ATXN2: variants seen among roughly 807,000 people sequenced by gnomAD.
ATXN2 encodes ataxin 2.
In ATXN2, 37 loss-of-function variants were observed where a neutral mutation model predicts 138.6. The ratio of observed to expected loss-of-function variants is 0.27; its 90% CI spans 0.21 to 0.35. ATXN2 has a LOEUF of 0.35. Ranked by LOEUF, ATXN2 falls within the 10% of genes least tolerant of loss-of-function variation. The pLI is 1.00. For synonymous variants in ATXN2, 549 were observed against 543.7 expected (o/e 1.01, Z -0.13); for missense variants, 1,216 against 1,480.3 (o/e 0.82, Z 2.93).
intron 9 of ATXN2, among the ~76,000 whole-genome samples, chr12:111,517,867 A>T (rs1309173487): frequency 1.3e-5 from 2 of 152,164 alleles, no homozygotes; most frequent in Non-Finnish European, 2.9e-5. Context: ...TGTTGCACAT[A>T]GGTTAGAATT....
chr12:111,460,364 G>A (rs895719588), intron 21 of ATXN2, among the ~76,000 whole-genome samples: 2 of 152,184 alleles, frequency 1.3e-5, no homozygotes, highest in Non-Finnish European at 2.9e-5. Context: ...GTGAGCCACC[G>A]CGCCCAGCCA....
At chr12:111,497,291 T>C (rs775531312) in intron 14 of ATXN2, among the ~76,000 whole-genome samples, 1 of 152,138 alleles carries the variant, frequency 6.6e-6, no homozygotes, top group East Asian at 1.9e-4. Context: ...TGAATTCTAC[T>C]AAACCTTTAA....
At chr12:111,536,158 T>C (rs1165642387) in intron 5 of ATXN2, among the ~76,000 whole-genome samples, 1 of 152,174 alleles carries the variant, frequency 6.6e-6, no homozygotes, top group Non-Finnish European at 1.5e-5. Flanking sequence ...ATAAAAGCAA[T>C]GTCTAAGAAT....
Position 111,470,566 on chromosome 12 carries a change from G to C in ATXN2, c.2701C>G (p.Gln901Glu), listed in dbSNP as rs776469401. ...GGCCTTACCAGCCTTACCTGAGACTGATAATGTGGCACATGCTGAACAAGG... is the reference window on the plus strand; with the variant it reads ...GGCCTTACCAGCCTTACCTGAGACTCATAATGTGGCACATGCTGAACAAGG... The part of the protein sequence containing the change: ...QPLVQHVPHY[Q>E]SQHPHVYSPV... Residue 901 changes from glutamine (Q) to glutamate (E), a missense_variant, in exon 19 of 25, where the codon CAG (glutamine) becomes GAG (glutamate). Gln to Glu is a conservative substitution (Grantham distance 29). This residue lies in a region of ATXN2 where 490 missense variants were observed against 653.5 expected (regional missense o/e 0.75). Coordinates refer to ENST00000673436, the MANE Select transcript of ATXN2 (RefSeq NM_001372574.1). The C allele has an allele frequency of 6.2e-7, 1 of 1,614,080 alleles. No individual in the cohort carries two copies. The highest frequency in any genetic ancestry group is 1.1e-5 in the South Asian group (1 of 91,074).
intron 5 of ATXN2, among the ~76,000 whole-genome samples, chr12:111,551,245 C>T (rs1882100814): frequency 1.3e-5 from 2 of 149,668 alleles, no homozygotes; most frequent in South Asian, 2.1e-4. Flanking sequence ...TGCAGTGAGC[C>T]GAGATCGTGC....
chr12:111,587,739 A>C (rs1375829549), intron 1 of ATXN2, among the ~76,000 whole-genome samples: 2 of 152,188 alleles, frequency 1.3e-5, no homozygotes, highest in African/African-American at 4.8e-5. Context: ...CAGGAGACCA[A>C]CATTCTAAAG....
chr12:111,590,247 T>C (rs572441645), intron 1 of ATXN2, among the ~76,000 whole-genome samples: 4 of 152,134 alleles, frequency 2.6e-5, no homozygotes, highest in Admixed American at 6.6e-5. Context: ...TTAACATTTA[T>C]GTAGATTTCA....
chr12:111,467,628 G>A (rs1436177182), intron 20 of ATXN2, among the ~76,000 whole-genome samples: 2 of 152,004 alleles, frequency 1.3e-5, no homozygotes, highest in African/African-American at 4.8e-5. Flanking sequence ...ACTTTTTCCT[G>A]GCATGAAAGA....
intron 1 of ATXN2, among the ~76,000 whole-genome samples, chr12:111,587,366 A>C (rs1449186995): frequency 6.6e-6 from 1 of 152,182 alleles, no homozygotes; most frequent in Admixed American, 6.6e-5. Flanking sequence ...GTCAATGAAA[A>C]ATATTTGACC....
At chr12:111,583,700 G>C (rs1181708119) in intron 1 of ATXN2, among the ~76,000 whole-genome samples, 1 of 142,752 alleles carries the variant, frequency 7.0e-6, no homozygotes, top group Non-Finnish European at 1.5e-5. Flanking sequence ...ACAGGAGGTG[G>C]AGGTTGCAGT....
intron 21 of ATXN2, among the ~76,000 whole-genome samples, chr12:111,462,975 T>TACACACAC (rs778035022): frequency 5.5e-4 from 80 of 145,790 alleles, no homozygotes; most frequent in African/African-American, 1.8e-3. Context: ...TATATATATA[T>TACACACAC]ATACACACAC....
intron 1 of ATXN2, among the ~76,000 whole-genome samples, chr12:111,584,783 T>C (rs982939992): frequency 1.3e-5 from 2 of 151,668 alleles, no homozygotes; most frequent in Admixed American, 1.3e-4. Context: ...CTGACCAACA[T>C]GGAGAAACCC....
At chr12:111,575,232 G>C (rs115185033) in intron 1 of ATXN2, among the ~76,000 whole-genome samples, 1 of 152,142 alleles carries the variant, frequency 6.6e-6, no homozygotes, top group African/African-American at 2.4e-5. Context: ...GATAAGAGGG[G>C]CTGGAGCGCA....
intron 21 of ATXN2, among the ~76,000 whole-genome samples, chr12:111,462,043 C>T (rs1875630589): frequency 6.6e-6 from 1 of 152,066 alleles, no homozygotes; most frequent in Admixed American, 6.6e-5. Context: ...TATTATTTCA[C>T]TGCTTTTGTT....
intron 14 of ATXN2, among the ~76,000 whole-genome samples, chr12:111,489,468 C>T (rs1468793738): frequency 2.0e-5 from 3 of 152,040 alleles, no homozygotes; most frequent in Non-Finnish European, 4.4e-5. Context: ...CAAAAATTAG[C>T]CAGGCATGGT....
At chr12:111,590,831 G>A (rs1036618194) in intron 1 of ATXN2, among the ~76,000 whole-genome samples, 3 of 152,116 alleles carry the variant, frequency 2.0e-5, no homozygotes, top group African/African-American at 7.2e-5. Context: ...CATATAGCAA[G>A]AGATGTAGGT....
At chr12:111,530,167 C>T (rs185330683) in intron 5 of ATXN2, among the ~76,000 whole-genome samples, 131 of 152,252 alleles carry the variant, frequency 8.6e-4, no homozygotes, top group Admixed American at 1.8e-3. Flanking sequence ...AGATTGGTAT[C>T]AGTGGGACTA....
At chr12:111,591,133 C>T (rs1020993568) in intron 1 of ATXN2, among the ~76,000 whole-genome samples, 1 of 152,040 alleles carries the variant, frequency 6.6e-6, no homozygotes, top group African/African-American at 2.4e-5. Context: ...TCGTGATCTG[C>T]CCGCCTCGGC....
chr12:111,500,836 G>A (rs549448784), intron 14 of ATXN2, among the ~76,000 whole-genome samples: 4 of 152,212 alleles, frequency 2.6e-5, no homozygotes, highest in Non-Finnish European at 4.4e-5. Flanking sequence ...CTGCGCCACC[G>A]CACTCCAGCC....
Sources: allele counts gnomAD v4.1 joint callset (sites outside exome capture counted in the v4.1 genomes callset), GRCh38; gene constraint gnomAD v4.1.1; regional missense constraint gnomAD v4.1.1; transcripts MANE v1.5; gene names NCBI Gene and HGNC (gene_info 2026-07-23, HGNC 2026-07-21).